IL2RB: variants seen among roughly 807,000 people sequenced by gnomAD.
IL2RB encodes the protein interleukin-2 receptor subunit beta.
In IL2RB, 17 loss-of-function variants were observed where a neutral mutation model predicts 44.2. That is an observed-to-expected ratio of 0.38 (90% confidence interval 0.26 to 0.58). The LOEUF (loss-of-function observed/expected upper bound fraction) is 0.58, where lower values mean the gene tolerates loss of function less well. Ranked by LOEUF, IL2RB falls within the 20% of genes least tolerant of loss-of-function variation. The pLI, the probability that IL2RB is intolerant of heterozygous loss-of-function variation, is 0.63. For synonymous variants in IL2RB, 286 were observed against 297.9 expected (o/e 0.96, Z 0.41); for missense variants, 624 against 685.5 (o/e 0.91, Z 1.00).
At chr22:37,160,206 T>C (rs1922810516) in intron 1 of IL2RB, among the ~76,000 whole-genome samples, 1 of 152,250 alleles carries the variant, frequency 6.6e-6, no homozygotes, top group African/African-American at 2.4e-5. Flanking sequence ...ACTGATTGGC[T>C]GATGCAGTGA....
At chr22:37,173,102 G>A (rs1923343909) in intron 1 of IL2RB, among the ~76,000 whole-genome samples, 1 of 152,118 alleles carries the variant, frequency 6.6e-6, no homozygotes. Context: ...TCCTGGGAGG[G>A]GCTGAGCAGC....
chr22:37,142,942 A>C (rs1601602707), intron 3 of IL2RB, among the ~76,000 whole-genome samples: 17 of 126,234 alleles, frequency 1.3e-4, no homozygotes, highest in African/African-American at 3.6e-4. Flanking sequence ...CCCACCCCAC[A>C]CCCTATGGAA....
At chr22:37,167,264 G>A (rs890212690) in intron 1 of IL2RB, among the ~76,000 whole-genome samples, 9 of 151,650 alleles carry the variant, frequency 5.9e-5, no homozygotes, top group Non-Finnish European at 1.2e-4. Context: ...CCCCTGCCCA[G>A]ACCAGCTCTG....
chr22:37,154,637 G>A (rs189915301), upstream of IL2RB, among the ~76,000 whole-genome samples: 165 of 150,076 alleles, frequency 1.1e-3, no homozygotes, highest in Non-Finnish European at 1.8e-3. Context: ...GTGCAGTGGC[G>A]CGATCTCGGC....
At position 37,137,541 on chromosome 22, in the gene IL2RB, C is replaced by A. The variant is rs368499991; in HGVS notation, c.537+46G>T. On this transcript the variant is annotated intron_variant, in intron 6 of 9. Coordinates refer to ENST00000216223, the MANE Select transcript of IL2RB (RefSeq NM_000878.5). ...AAAAGGGACAGGACATGGACCAGGA[C>A]AGGAAGGAGGAACCAAGGCAGGTAC... 1.3e-5 allele frequency: 21 copies of A among 1,603,322 alleles called. No homozygotes were observed. In the African/African-American group the frequency reaches 2.3e-4, roughly 17 times the overall value.
chr22:37,136,209 C>G lies in IL2RB; in HGVS notation c.703+19G>C, dbSNP rs1489376478. On this transcript the variant is annotated intron_variant, in intron 7 of 9. Transcript: ENST00000216223. ...CCCTCCTGCCTGAGCCCCCTCTCAC[C>G]CTTGCCGCCCACCAGTACCTGCAGG... 3.1e-6 allele frequency: 5 copies of G among 1,600,082 alleles called. No homozygotes were observed. The highest frequency in any genetic ancestry group is 3.4e-6 in the Non-Finnish European group (4 of 1,174,508).
intron 1 of IL2RB, among the ~76,000 whole-genome samples, chr22:37,171,016 C>T (rs1324963661): frequency 6.6e-6 from 1 of 151,974 alleles, no homozygotes; most frequent in East Asian, 1.9e-4. Context: ...CAGAGGCTCG[C>T]TCTGTTGCCC....
chr22:37,140,868 C>G (rs188468901), intron 4 of IL2RB, among the ~76,000 whole-genome samples: 1 of 152,276 alleles, frequency 6.6e-6, no homozygotes, highest in African/African-American at 2.4e-5. Flanking sequence ...TACTTCCTGG[C>G]TGTGTGACCT....
In IL2RB at chr22:37,128,497, A is replaced by G; in HGVS notation, c.1255T>C (p.Cys419Arg). The change falls in exon 10 of 10, where the codon TGC becomes CGC. Residue 419 changes from cysteine (C) to arginine (R), a missense_variant. By Grantham distance (180) the Cys-to-Arg change is radical (BLOSUM62 -3). This residue lies in a region of IL2RB where 291 missense variants were observed against 275.5 expected (regional missense o/e 1.06). Coordinates refer to ENST00000216223, the MANE Select transcript of IL2RB (RefSeq NM_000878.5). The surrounding 1 kb of genome is among the most constrained non-coding windows in gnomAD (Gnocchi z 4.5). ...AGGTCATCCCTGGAGGGGAAGGTGC[A>G]GTAGGCGTCGTCCTCCCCTGACAGA... is the stretch of plus-strand genomic sequence containing the variant. The part of the protein sequence containing the change: ...QPLSGEDDAY[C>R]TFPSRDDLLL... 1 of 1,607,926 alleles carries G rather than the reference A, an allele frequency of 6.2e-7. No individual in the cohort carries two copies. Among genetic ancestry groups the G allele is most frequent in the Non-Finnish European group, 8.5e-7 (1 of 1,175,786 alleles).
chr22:37,158,203 T>A (rs1922745013), intron 1 of IL2RB, among the ~76,000 whole-genome samples: 1 of 152,064 alleles, frequency 6.6e-6, no homozygotes. Context: ...GGACAGGTGA[T>A]GAGCAAATTA....
intron 4 of IL2RB, among the ~76,000 whole-genome samples, chr22:37,139,799 G>A (rs544311779): frequency 1.1e-4 from 16 of 152,314 alleles, no homozygotes; most frequent in Admixed American, 2.6e-4. Flanking sequence ...AGATGCCTTA[G>A]CCCCTCAATG....
intron 1 of IL2RB, among the ~76,000 whole-genome samples, chr22:37,163,448 G>T (rs1337972885): frequency 1.3e-5 from 2 of 152,138 alleles, no homozygotes; most frequent in African/African-American, 4.8e-5. Context: ...GAAATGGGGG[G>T]GCCGCTTCTA....
chr22:37,150,682 G>A (rs879330154), upstream of IL2RB, among the ~76,000 whole-genome samples: 24 of 151,436 alleles, frequency 1.6e-4, no homozygotes, highest in Non-Finnish European at 2.4e-4. Context: ...TTATTCATTC[G>A]ATCTAATTCT....
At chr22:37,161,348 T>A (rs1445415811) in intron 1 of IL2RB, among the ~76,000 whole-genome samples, 3 of 152,194 alleles carry the variant, frequency 2.0e-5, no homozygotes, top group Admixed American at 2.0e-4. Context: ...TCCTGGATAT[T>A]TAGTTTACAT....
chr22:37,164,174 C>T (rs985065010), intron 1 of IL2RB, among the ~76,000 whole-genome samples: 2 of 152,182 alleles, frequency 1.3e-5, no homozygotes, highest in African/African-American at 4.8e-5. Flanking sequence ...TCCCTCTGCG[C>T]TCCCTGCCCC....
At chr22:37,149,062 C>T (rs1922363762) in intron 1 of IL2RB, among the ~76,000 whole-genome samples, 1 of 152,114 alleles carries the variant, frequency 6.6e-6, no homozygotes. Context: ...GAAGGGGACC[C>T]TTGGGGATAG....
rs1408688042 is a variant in IL2RB, at chr22:37,141,511, T to C, written c.282+923A>G. Among the ~76,000 whole-genome samples the C allele has an allele frequency of 6.6e-6, 1 of 151,570 alleles. No individual in the cohort carries two copies. The highest frequency in any genetic ancestry group is 2.4e-5 in the African/African-American group (1 of 41,216). On this transcript the variant is annotated intron_variant, in intron 4 of 9. Coordinates refer to ENST00000216223, the MANE Select transcript of IL2RB (RefSeq NM_000878.5). This position sits in a 1 kb window ranked among gnomAD's most constrained non-coding sequence, Gnocchi z 4.4. The stretch of plus-strand genomic sequence containing the variant: ...GTGAGTCGGGGACAAGCGGGACCCC[T>C]GCCCCTTCCGAGGTAGCCAGGAGCT...
chr22:37,138,534 T>C (rs528441487), intron 5 of IL2RB, among the ~76,000 whole-genome samples: 4 of 152,310 alleles, frequency 2.6e-5, no homozygotes, highest in Non-Finnish European at 1.5e-5. Context: ...TCAACAAACC[T>C]TCCCAGACCA....
rs1348819014 is a variant in IL2RB, at chr22:37,126,188, A to C, written c.*1908T>G. ...GTAGGTTGCCCCAGAACACACAGCA[A>C]AGGTGTGGAGCCCCTTGTGGTCTGA... On this transcript the variant is annotated 3_prime_UTR_variant, in exon 10 of 10. Transcript: ENST00000216223. The C allele has an allele frequency of 6.6e-6, 1 of 152,158 alleles. No individual in the cohort carries two copies. Among genetic ancestry groups the C allele is most frequent in the East Asian group, 1.9e-4 (1 of 5,196 alleles). 9.4% of individuals were successfully genotyped at this position (152,158 alleles called of 1,614,324 possible).
Sources: allele counts gnomAD v4.1 joint callset (sites outside exome capture counted in the v4.1 genomes callset), GRCh38; gene constraint gnomAD v4.1.1; regional missense constraint gnomAD v4.1.1; non-coding constraint Gnocchi (gnomAD v3.1); transcripts MANE v1.5; gene names NCBI Gene and HGNC (gene_info 2026-07-23, HGNC 2026-07-21).